Variants in ANO6 observed in about 807,000 individuals in gnomAD.
ANO6 encodes the protein anoctamin-6.
ANO6 carries 106 observed loss-of-function variants against 117.5 expected under a neutral mutation model. That is an observed-to-expected ratio of 0.90 (90% confidence interval 0.77 to 1.06). The LOEUF (loss-of-function observed/expected upper bound fraction) is 1.06, where lower values mean the gene tolerates loss of function less well. Ranked by LOEUF, ANO6 falls within the 50% of genes least tolerant of loss-of-function variation. The pLI is 0.00. For missense variants in ANO6, 955 were observed against 1,121.1 expected (o/e 0.85, Z 2.12); for synonymous variants, 367 against 385.1 (o/e 0.95, Z 0.55).
chr12:45,258,242 G>A (rs1354921616), intron 1 of ANO6, among the ~76,000 whole-genome samples: 1 of 152,144 alleles, frequency 6.6e-6, no homozygotes, highest in Non-Finnish European at 1.5e-5. Flanking sequence ...TATAGTGCCT[G>A]ATGCTAGTAA....
Position 45,216,127 on chromosome 12 carries a change from GTCC to G in ANO6, c.-191_-189del. 1 of 605,020 alleles carries G rather than the reference GTCC, an allele frequency of 1.7e-6. No individual in the cohort carries two copies. The highest frequency in any genetic ancestry group is 2.9e-6 in the Non-Finnish European group (1 of 347,330). The allele number at this position is 605,020 out of a possible 1,614,324, so 37.5% of individuals were successfully genotyped here. A position where few individuals can be genotyped will look rare whatever the true frequency, so the allele number is the denominator to read the frequency against. ...GGGCTCCGCTCGGCAGGCGAGAGGC[GTCC>G]TCCGGCTCTGGGCTCCGGTCGGTGG... On this transcript the variant is annotated 5_prime_UTR_variant, in exon 1 of 20. Transcript: ENST00000320560.
chr12:45,280,897 A>C (rs202239099), intron 1 of ANO6, among the ~76,000 whole-genome samples: 4 of 140,400 alleles, frequency 2.8e-5, no homozygotes, highest in African/African-American at 1.0e-4. Flanking sequence ...GAGAGAGAGA[A>C]TATATGTATA....
At chr12:45,304,157 C>T (rs532602192) in intron 2 of ANO6, among the ~76,000 whole-genome samples, 9 of 146,964 alleles carry the variant, frequency 6.1e-5, no homozygotes, top group Non-Finnish European at 1.4e-4. Context: ...CCAGTGTACT[C>T]CCAGTTCCAC....
intron 1 of ANO6, among the ~76,000 whole-genome samples, chr12:45,298,983 T>TA (rs1194086669): frequency 0.02 from 2,926 of 145,450 alleles, 41 homozygotes; most frequent in African/African-American, 0.039. Context: ...AATACTGGTG[T>TA]AAAAAAAAAA....
chr12:45,414,830 C>T (rs779401204), intron 16 of ANO6, among the ~76,000 whole-genome samples: 6 of 152,176 alleles, frequency 3.9e-5, no homozygotes, highest in Non-Finnish European at 7.3e-5. Flanking sequence ...GTGGCACAAT[C>T]CCGGCTCACT....
intron 1 of ANO6, among the ~76,000 whole-genome samples, chr12:45,289,914 G>A (rs772459492): frequency 4.4e-4 from 67 of 152,138 alleles, no homozygotes; most frequent in Non-Finnish European, 8.8e-4. Context: ...CAATTCCTTA[G>A]AATTCAAACA....
At chr12:45,397,920 C>T (rs1192345301) in intron 12 of ANO6, among the ~76,000 whole-genome samples, 2 of 151,994 alleles carry the variant, frequency 1.3e-5, no homozygotes, top group East Asian at 1.9e-4. Context: ...CAACATGGCA[C>T]GTGTATACCT....
intron 9 of ANO6, among the ~76,000 whole-genome samples, chr12:45,375,074 A>G (rs1279822799): frequency 6.6e-6 from 1 of 152,078 alleles, no homozygotes; most frequent in African/African-American, 2.4e-5. Flanking sequence ...ACAAACAGAG[A>G]GCCAAATCAT....
At chr12:45,288,368 T>G (rs1938985416) in intron 1 of ANO6, among the ~76,000 whole-genome samples, 1 of 152,222 alleles carries the variant, frequency 6.6e-6, no homozygotes, top group Non-Finnish European at 1.5e-5. Context: ...TGAAAAAGGT[T>G]GTTACTGAAA....
At chr12:45,234,291 T>C (rs1474423398) in intron 1 of ANO6, among the ~76,000 whole-genome samples, 1 of 152,140 alleles carries the variant, frequency 6.6e-6, no homozygotes, top group Non-Finnish European at 1.5e-5. Context: ...CACTGATGAG[T>C]TTACTGATGA....
chr12:45,221,433 T>C (rs1440105136), intron 1 of ANO6, among the ~76,000 whole-genome samples: 1 of 151,976 alleles, frequency 6.6e-6, no homozygotes, highest in African/African-American at 2.4e-5. Flanking sequence ...GAGTCTGGAG[T>C]TCCAAATAGT....
At position 45,429,479 on chromosome 12, in the gene ANO6, A is replaced by T; in HGVS notation, c.*168A>T. 1 of 1,445,950 alleles carries T rather than the reference A, an allele frequency of 6.9e-7. No homozygotes were observed. The highest frequency in any genetic ancestry group is 9.0e-7 in the Non-Finnish European group (1 of 1,105,228). 89.6% of individuals were successfully genotyped at this position (1,445,950 alleles called of 1,614,324 possible). A position where few individuals can be genotyped will look rare whatever the true frequency, so the allele number is the denominator to read the frequency against. The stretch of plus-strand genomic sequence containing the variant: ...TTTCAGCTAGCGATGCAGAAACTGG[A>T]AAATGTAAAACTTAGATCATGAAGG... On this transcript the variant is annotated 3_prime_UTR_variant, in exon 20 of 20. Transcript: ENST00000320560.
intron 2 of ANO6, among the ~76,000 whole-genome samples, chr12:45,323,155 A>G (rs1010143400): frequency 3.9e-5 from 6 of 152,148 alleles, no homozygotes; most frequent in African/African-American, 1.2e-4. Flanking sequence ...GGAGAATACA[A>G]TTTAATCGCT....
chr12:45,421,021 A>G, intron 17 of ANO6, 50 bp from the exon 18 acceptor site: 1 of 1,603,224 alleles, frequency 6.2e-7, no homozygotes, highest in East Asian at 2.2e-5. Context: ...CTCCGTCTCA[A>G]AAACAAAAAA....
chr12:45,408,086 G>A (rs1942988269), intron 15 of ANO6, among the ~76,000 whole-genome samples: 2 of 152,210 alleles, frequency 1.3e-5, no homozygotes, highest in African/African-American at 2.4e-5. Context: ...CCAGCAGAGT[G>A]AGCCGTTTGT....
chr12:45,239,311 T>C (rs1947700103), intron 1 of ANO6, among the ~76,000 whole-genome samples: 1 of 152,232 alleles, frequency 6.6e-6, no homozygotes. Context: ...CTTCTAGATT[T>C]TCTAGTTTAT....
intron 1 of ANO6, chr12:45,270,447 C>T: frequency 2.0e-6 from 3 of 1,523,404 alleles, no homozygotes; most frequent in Non-Finnish European, 1.8e-6. Context: ...TTATTGATGC[C>T]TCCTCATCCT....
intron 1 of ANO6, among the ~76,000 whole-genome samples, chr12:45,253,707 C>T (rs1461610175): frequency 6.6e-6 from 1 of 152,192 alleles, no homozygotes; most frequent in Admixed American, 6.5e-5. Flanking sequence ...AGTTCACTAT[C>T]TGTAAAATGA....
chr12:45,415,493 C>T (rs2039386936), intron 16 of ANO6, among the ~76,000 whole-genome samples: 1 of 152,248 alleles, frequency 6.6e-6, no homozygotes, highest in South Asian at 2.1e-4. Context: ...GCTGACTCCA[C>T]ACATGGCTAT....
Sources: allele counts gnomAD v4.1 joint callset (sites outside exome capture counted in the v4.1 genomes callset), GRCh38; gene constraint gnomAD v4.1.1; transcripts MANE v1.5; gene names NCBI Gene and HGNC (gene_info 2026-07-23, HGNC 2026-07-21).